Variants in TCF7L2 observed in about 807,000 individuals in gnomAD.
TCF7L2 encodes the protein transcription factor 7 like 2.
Under a neutral mutation model 77.9 loss-of-function variants are expected in TCF7L2, and 23 were observed. The ratio of observed to expected loss-of-function variants is 0.30; its 90% CI spans 0.21 to 0.42. The LOEUF (loss-of-function observed/expected upper bound fraction) is 0.42. Ranked by LOEUF, TCF7L2 falls within the 10% of genes least tolerant of loss-of-function variation. The pLI is 1.00. For missense variants in TCF7L2, 654 were observed against 793.1 expected (o/e 0.82, Z 2.11); for synonymous variants, 413 against 340.2 (o/e 1.21, Z -2.36).
chr10:113,163,106 A>G (rs1416800947), intron 13 of TCF7L2, among the ~76,000 whole-genome samples: 2 of 151,750 alleles, frequency 1.3e-5, no homozygotes, highest in African/African-American at 4.8e-5. Flanking sequence ...CCCTGTGCTC[A>G]GCCACCTTAG....
chr10:113,100,361 C>T (rs987437190), intron 5 of TCF7L2, among the ~76,000 whole-genome samples: 5 of 152,192 alleles, frequency 3.3e-5, no homozygotes, highest in African/African-American at 1.2e-4. Flanking sequence ...TCTTAATTCT[C>T]TCGAATCTGC....
intron 5 of TCF7L2, among the ~76,000 whole-genome samples, chr10:113,112,074 A>G (rs1355416964): frequency 2.0e-5 from 3 of 152,222 alleles, no homozygotes; most frequent in Admixed American, 6.5e-5. Flanking sequence ...TGATTGCGAC[A>G]TGCTTTCCAT....
chr10:113,160,627 A>C lies in TCF7L2; in HGVS notation c.1327A>C (p.Thr443Pro). Residue 443 changes from threonine (T) to proline (P), a missense_variant, in exon 13 of 14, where the codon ACT becomes CCT. Coordinates refer to ENST00000627217, the MANE Select transcript of TCF7L2 (RefSeq NM_001146274.2). The stretch of plus-strand genomic sequence containing the variant: ...TTACCTTATGCTAACAGATGCAAAT[A>C]CTCCAAAGAAGTGTCGGGCACTGTT... 1 of 1,593,324 alleles carries C rather than the reference A, an allele frequency of 6.3e-7. No homozygotes were observed. Among genetic ancestry groups the C allele is most frequent in the Non-Finnish European group, 8.6e-7 (1 of 1,169,282 alleles).
In TCF7L2 at chr10:113,008,269, C is replaced by T. The variant is rs183672725; in HGVS notation, c.451-31756C>T. Among the ~76,000 whole-genome samples, 200 of 152,298 alleles carry T rather than the reference C, an allele frequency of 1.3e-3. 1 individual carries two copies. The highest frequency in any genetic ancestry group is 2.1e-3 in the Non-Finnish European group (141 of 68,024). On this transcript the variant is annotated intron_variant, in intron 4 of 13. Transcript: ENST00000627217. ...TCTGGGGATGGTCATCTTCCCCACA[C>T]CTGCGTTGGGTACCTTTTTGGTGTA... is the stretch of plus-strand genomic sequence containing the variant.
chr10:113,145,780 G>C (rs2069264957), intron 7 of TCF7L2, among the ~76,000 whole-genome samples: 1 of 152,104 alleles, frequency 6.6e-6, no homozygotes, highest in Non-Finnish European at 1.5e-5. Flanking sequence ...GGTCTCTATT[G>C]ACATAAGCAG....
At chr10:113,078,080 A>T (rs943402253) in intron 5 of TCF7L2, among the ~76,000 whole-genome samples, 1 of 151,570 alleles carries the variant, frequency 6.6e-6, no homozygotes, top group Non-Finnish European at 1.5e-5. Flanking sequence ...CATTATATGG[A>T]TATCCCATAT....
intron 3 of TCF7L2, among the ~76,000 whole-genome samples, chr10:112,962,283 G>A (rs1035106095): frequency 1.3e-5 from 2 of 152,128 alleles, no homozygotes; most frequent in South Asian, 4.1e-4. Flanking sequence ...GCTTGGACAA[G>A]TTTCCATTAA....
chr10:113,027,612 C>G (rs769067942), intron 4 of TCF7L2, among the ~76,000 whole-genome samples: 1 of 152,278 alleles, frequency 6.6e-6, no homozygotes, highest in Non-Finnish European at 1.5e-5. Context: ...TGGAAGTGGA[C>G]AAAACTGTAT....
At chr10:112,970,130 T>C (rs986977711) in intron 4 of TCF7L2, among the ~76,000 whole-genome samples, 2 of 152,022 alleles carry the variant, frequency 1.3e-5, no homozygotes, top group Admixed American at 1.3e-4. Context: ...TGTGTAAACC[T>C]TTCTTGGTTG....
chr10:112,969,992 G>C (rs1264130788), intron 4 of TCF7L2, among the ~76,000 whole-genome samples: 1 of 152,128 alleles, frequency 6.6e-6, no homozygotes, highest in Non-Finnish European at 1.5e-5. Context: ...TGTTTCCCTT[G>C]GTTTTTGGAA....
At chr10:113,026,347 G>A (rs1048634398) in intron 4 of TCF7L2, among the ~76,000 whole-genome samples, 1 of 150,928 alleles carries the variant, frequency 6.6e-6, no homozygotes, top group Non-Finnish European at 1.5e-5. Flanking sequence ...TTTTAGTAGA[G>A]ACAGAGTTTC....
At position 112,950,691 on chromosome 10, in the gene TCF7L2, AT is replaced by A. The variant is rs554216227; in HGVS notation, c.-58del. ...GGGGGGGCAAAACTTTTTGGGGGTG[AT>A]TTTTTTTGGCTTTTCTTCCTCCTTC... On this transcript the variant is annotated 5_prime_UTR_variant, in exon 1 of 14. Coordinates refer to ENST00000627217, the MANE Select transcript of TCF7L2 (RefSeq NM_001146274.2). 140 of 1,496,532 alleles carry A rather than the reference AT, an allele frequency of 9.4e-5. No individual in the cohort carries two copies. Among genetic ancestry groups the A allele is most frequent in the Admixed American group, 1.5e-4 (6 of 40,190 alleles). 92.7% of individuals were successfully genotyped at this position (1,496,532 alleles called of 1,614,324 possible).
chr10:113,057,229 C>T (rs1591103929), intron 5 of TCF7L2, among the ~76,000 whole-genome samples: 1 of 152,154 alleles, frequency 6.6e-6, no homozygotes, highest in African/African-American at 2.4e-5. Context: ...ACAAGACAGG[C>T]TGGGAATATA....
intron 3 of TCF7L2, among the ~76,000 whole-genome samples, chr10:112,957,115 G>A (rs1464313636): frequency 6.8e-6 from 1 of 146,404 alleles, no homozygotes; most frequent in Non-Finnish European, 1.5e-5. Flanking sequence ...TGCTCTAGGT[G>A]TTTGCATCTT....
At chr10:113,094,324 G>A (rs895429178) in intron 5 of TCF7L2, among the ~76,000 whole-genome samples, 6 of 152,088 alleles carry the variant, frequency 3.9e-5, no homozygotes, top group Non-Finnish European at 5.9e-5. Context: ...ATGTCATCAC[G>A]GTCAAAGTTT....
Position 113,166,004 on chromosome 10 carries a change from A to G in TCF7L2, c.*32A>G, listed in dbSNP as rs368024370. The G allele has an allele frequency of 2.0e-5, 29 of 1,433,130 alleles. No individual in the cohort carries two copies. Among genetic ancestry groups the G allele is most frequent in the Admixed American group, 7.8e-5 (3 of 38,612 alleles). 88.8% of individuals were successfully genotyped at this position (1,433,130 alleles called of 1,614,324 possible). A position where few individuals can be genotyped will look rare whatever the true frequency, so the allele number is the denominator to read the frequency against. On this transcript the variant is annotated 3_prime_UTR_variant, in exon 14 of 14. Transcript: ENST00000627217. ...CGTCGTGAACCCCGCTGCTTTGTTT[A>G]TGGTTTTGTTTCACTTTTCTTAATT...
chr10:112,973,209 G>A (rs2038663771), intron 4 of TCF7L2, among the ~76,000 whole-genome samples: 1 of 152,222 alleles, frequency 6.6e-6, no homozygotes, highest in Non-Finnish European at 1.5e-5. Context: ...GTCAGGTTCT[G>A]TAAGCTTGGA....
chr10:112,961,823 G>A (rs1239398764), intron 3 of TCF7L2, among the ~76,000 whole-genome samples: 7 of 150,972 alleles, frequency 4.6e-5, no homozygotes, highest in East Asian at 1.9e-4. Flanking sequence ...GGGAAGTTAC[G>A]TGGCTGGGGG....
At chr10:112,965,830 T>C (rs1430314657) in intron 4 of TCF7L2, among the ~76,000 whole-genome samples, 1 of 152,180 alleles carries the variant, frequency 6.6e-6, no homozygotes, top group African/African-American at 2.4e-5. Flanking sequence ...TTTTATTTGG[T>C]GCATTCCTAG....
Sources: gnomAD v4.1 joint callset for allele counts (sites outside exome capture counted in the v4.1 genomes callset) on GRCh38, gnomAD v4.1.1 for gene constraint, MANE v1.5 for transcripts, NCBI Gene and HGNC (gene_info 2026-07-23, HGNC 2026-07-21) for gene names.